Variants in MACROD1 observed in about 807,000 individuals in gnomAD.
The protein encoded by MACROD1 is ADP-ribose glycohydrolase MACROD1.
In MACROD1, 31 loss-of-function variants were observed where a neutral mutation model predicts 41.4. That is an observed-to-expected ratio of 0.75 (90% CI 0.56 to 1.01). MACROD1 has a LOEUF of 1.01. Among genes scored for constraint, MACROD1 ranks in the 50% least tolerant of loss-of-function variants. The pLI, the probability that MACROD1 is intolerant of heterozygous loss-of-function variation, is 0.00. For missense variants in MACROD1, 473 were observed against 460.0 expected (o/e 1.03, Z -0.26); for synonymous variants, 252 against 203.4 (o/e 1.24, Z -2.03).
At chr11:64,106,364 A>G (rs1470268070) in intron 3 of MACROD1, among the ~76,000 whole-genome samples, 1 of 152,144 alleles carries the variant, frequency 6.6e-6, no homozygotes, top group Non-Finnish European at 1.5e-5. Flanking sequence ...GTCTAGGTTC[A>G]GGGGCCTCCC....
In MACROD1 at chr11:64,064,772, G is replaced by T. The variant is rs138464900; in HGVS notation, c.518-49491C>A. On this transcript the variant is annotated intron_variant, in intron 3 of 10. Transcript: ENST00000255681. This position sits in a 1 kb window ranked among gnomAD's most constrained non-coding sequence, Gnocchi z 4.5. Reference sequence around the variant, plus strand: ...GGCCTGGACCCACCATCCAGCAAAGGCTGACAGAACAGAGGCTGCCAACTA... The same window carrying T: ...GGCCTGGACCCACCATCCAGCAAAGTCTGACAGAACAGAGGCTGCCAACTA... 4.0e-5 allele frequency among the ~76,000 whole-genome samples: 6 copies of T among 151,884 alleles called. No individual in the cohort carries two copies. Among genetic ancestry groups the T allele is most frequent in the Admixed American group, 1.3e-4 (2 of 15,218 alleles).
At chr11:64,017,097 G>A (rs1425835336) in intron 3 of MACROD1, among the ~76,000 whole-genome samples, 4 of 152,184 alleles carry the variant, frequency 2.6e-5, no homozygotes, top group Non-Finnish European at 2.9e-5. Flanking sequence ...AGCCTCCTGA[G>A]TAGCTGGGAC....
intron 3 of MACROD1, among the ~76,000 whole-genome samples, chr11:64,140,610 G>C (rs1014052354): frequency 1.3e-5 from 2 of 152,218 alleles, no homozygotes; most frequent in South Asian, 2.1e-4. Flanking sequence ...ACAAGAACTA[G>C]AGCTGGCATC....
intron 3 of MACROD1, among the ~76,000 whole-genome samples, chr11:64,053,573 C>G (rs1489163622): frequency 6.6e-6 from 1 of 152,072 alleles, no homozygotes; most frequent in Non-Finnish European, 1.5e-5. Flanking sequence ...CCACAGCACA[C>G]AAGGGCCAGA....
In MACROD1 at chr11:64,064,472, C is replaced by T. The variant is rs902999507; in HGVS notation, c.518-49191G>A. On this transcript the variant is annotated intron_variant, in intron 3 of 10. Transcript: ENST00000255681. This position sits in a 1 kb window ranked among gnomAD's most constrained non-coding sequence, Gnocchi z 4.5. ...CTCTGTTTTCTCTTGGCCAAAGAAC[C>T]GGAGGCCTCAGGCCTGCCCCGGATG... Among the ~76,000 whole-genome samples the T allele has an allele frequency of 7.9e-5, 12 of 152,130 alleles. No homozygotes were observed. Among genetic ancestry groups the T allele is most frequent in the East Asian group, 1.9e-4 (1 of 5,202 alleles).
chr11:64,089,103 G>A (rs1304618965), intron 3 of MACROD1, among the ~76,000 whole-genome samples: 2 of 152,218 alleles, frequency 1.3e-5, no homozygotes, highest in African/African-American at 4.8e-5. Context: ...GCTCCTCTGT[G>A]AACCCAGCCG....
intron 3 of MACROD1, among the ~76,000 whole-genome samples, chr11:64,031,781 G>T (rs994629842): frequency 6.6e-6 from 1 of 152,214 alleles, no homozygotes; most frequent in Non-Finnish European, 1.5e-5. Context: ...CCCGGCCACT[G>T]CTGGAGCTTT....
At chr11:64,048,917 G>A (rs1943637570) in intron 3 of MACROD1, among the ~76,000 whole-genome samples, 2 of 152,164 alleles carry the variant, frequency 1.3e-5, no homozygotes, top group South Asian at 2.1e-4. Context: ...CAGCCAGCTC[G>A]CCAGACCCTC....
At chr11:64,057,078 G>C (rs528834791) in intron 3 of MACROD1, among the ~76,000 whole-genome samples, 19 of 152,336 alleles carry the variant, frequency 1.2e-4, no homozygotes. Context: ...AGCCTGCGTC[G>C]CACCAGCTCT....
chr11:64,098,199 C>G (rs565507356), intron 3 of MACROD1, among the ~76,000 whole-genome samples: 1 of 152,328 alleles, frequency 6.6e-6, no homozygotes, highest in Non-Finnish European at 1.5e-5. Flanking sequence ...GGCACCCTCA[C>G]AGCCTCCCCC....
chr11:64,080,161 C>T (rs532518630), intron 3 of MACROD1, among the ~76,000 whole-genome samples: 43 of 152,176 alleles, frequency 2.8e-4, no homozygotes, highest in Non-Finnish European at 5.1e-4. Context: ...TACAGGCGTG[C>T]GCCACCATGC....
At chr11:64,143,510 C>T (rs990901464) in intron 3 of MACROD1, among the ~76,000 whole-genome samples, 8 of 152,020 alleles carry the variant, frequency 5.3e-5, no homozygotes, top group Non-Finnish European at 1.2e-4. Flanking sequence ...CACAGGATAC[C>T]GGGCAGGCTG....
chr11:64,051,992 G>A (rs1943704009), intron 3 of MACROD1, among the ~76,000 whole-genome samples: 1 of 151,694 alleles, frequency 6.6e-6, no homozygotes, highest in African/African-American at 2.4e-5. Flanking sequence ...GGATGAGAGG[G>A]GGTCCAGGCG....
In MACROD1 at chr11:64,029,493, G is replaced by A. The variant is rs539012093; in HGVS notation, c.518-14212C>T. Among the ~76,000 whole-genome samples, 7 of 152,148 alleles carry A rather than the reference G, an allele frequency of 4.6e-5. No individual in the cohort carries two copies. In the East Asian group the frequency reaches 1.4e-3, roughly 29 times the overall value. On this transcript the variant is annotated intron_variant, in intron 3 of 10. Transcript: ENST00000255681. ...TCTTGGGGCTGCCACCCTCTCTTTG[G>A]ATCAGGCCCTACCTCTCGCTCCCAA...
chr11:64,161,567 A>G (rs1945756449), intron 1 of MACROD1, among the ~76,000 whole-genome samples: 1 of 152,240 alleles, frequency 6.6e-6, no homozygotes, highest in African/African-American at 2.4e-5. Context: ...TTCAAGGGCC[A>G]CGGCTCAGAC....
At chr11:64,129,289 T>G (rs948806624) in intron 3 of MACROD1, among the ~76,000 whole-genome samples, 3 of 152,228 alleles carry the variant, frequency 2.0e-5, no homozygotes, top group Admixed American at 2.0e-4. Context: ...GTGCTACTCA[T>G]CCTCTCTGTG....
intron 4 of MACROD1, among the ~76,000 whole-genome samples, chr11:64,006,206 G>A (rs756204305): frequency 7.2e-5 from 11 of 152,206 alleles, no homozygotes; most frequent in African/African-American, 2.2e-4. Flanking sequence ...AGGGTCTTGC[G>A]CTCTCTTCTC....
chr11:64,016,675 A>G (rs1943085766), intron 3 of MACROD1, among the ~76,000 whole-genome samples: 1 of 152,252 alleles, frequency 6.6e-6, no homozygotes, highest in Admixed American at 6.5e-5. Flanking sequence ...CCAGGGCTGC[A>G]AGTTGCCATG....
At chr11:64,158,773 G>A (rs777198790) in intron 1 of MACROD1, among the ~76,000 whole-genome samples, 1 of 152,182 alleles carries the variant, frequency 6.6e-6, no homozygotes, top group Non-Finnish European at 1.5e-5. Flanking sequence ...ATACCGACAA[G>A]GGCCCAACCT....
Sources: gnomAD v4.1 joint callset for allele counts (sites outside exome capture counted in the v4.1 genomes callset) on GRCh38, gnomAD v4.1.1 for gene constraint, Gnocchi (gnomAD v3.1) non-coding constraint, MANE v1.5 for transcripts, NCBI Gene and HGNC (gene_info 2026-07-23, HGNC 2026-07-21) for gene names.